ITGA8: variants seen among roughly 807,000 people sequenced by gnomAD.
ITGA8 encodes integrin subunit alpha 8, also known as integrin alpha-8.
A neutral mutation model predicts 142.3 loss-of-function variants in ITGA8; 91 were observed. That is an observed-to-expected ratio of 0.64 (90% CI 0.54 to 0.76). The LOEUF (loss-of-function observed/expected upper bound fraction) is 0.76, where lower values mean the gene tolerates loss of function less well. Among genes scored for constraint, ITGA8 ranks in the 30% least tolerant of loss-of-function variants. ITGA8 has a pLI of 0.00. For missense variants in ITGA8, 1,406 were observed against 1,327.7 expected (o/e 1.06, Z -0.92); for synonymous variants, 505 against 485.2 (o/e 1.04, Z -0.54).
chr10:15,701,566 A>G (rs969220883), intron 2 of ITGA8, among the ~76,000 whole-genome samples: 1 of 152,170 alleles, frequency 6.6e-6, no homozygotes, highest in Non-Finnish European at 1.5e-5. Flanking sequence ...GTGGGCTGTA[A>G]GCAGATTTTT....
chr10:15,617,536 C>A (rs1200974743), intron 13 of ITGA8, among the ~76,000 whole-genome samples: 1 of 152,006 alleles, frequency 6.6e-6, no homozygotes, highest in Non-Finnish European at 1.5e-5. Flanking sequence ...GTAGCTGGGA[C>A]TACAGGCACC....
chr10:15,526,466 G>T (rs565394437), intron 28 of ITGA8, among the ~76,000 whole-genome samples: 2 of 152,094 alleles, frequency 1.3e-5, no homozygotes, highest in East Asian at 3.9e-4. Context: ...GTGAGCCACC[G>T]CACCCGGCCC....
intron 23 of ITGA8, among the ~76,000 whole-genome samples, chr10:15,584,051 C>T (rs1328174927): frequency 2.0e-5 from 3 of 152,174 alleles, no homozygotes. Context: ...AATCCCAGCA[C>T]TTTGGGAGAC....
At chr10:15,528,959 T>C (rs1833233458) in intron 28 of ITGA8, among the ~76,000 whole-genome samples, 1 of 151,798 alleles carries the variant, frequency 6.6e-6, no homozygotes, top group South Asian at 2.1e-4. Context: ...CCTTCCTTCC[T>C]TTCCTTCCTT....
At chr10:15,694,643 T>C (rs1466974321) in intron 2 of ITGA8, among the ~76,000 whole-genome samples, 2 of 128,954 alleles carry the variant, frequency 1.6e-5, no homozygotes, top group Admixed American at 1.7e-4. Context: ...ATTTATATAA[T>C]ATATTTTAAT....
At chr10:15,670,663 G>A (rs142682164) in intron 8 of ITGA8, among the ~76,000 whole-genome samples, 1 of 152,156 alleles carries the variant, frequency 6.6e-6, no homozygotes, top group African/African-American at 2.4e-5. Flanking sequence ...ATCTACATAG[G>A]CAGCCAGTGT....
At chr10:15,551,064 C>G (rs191684844) in intron 26 of ITGA8, among the ~76,000 whole-genome samples, 3 of 152,172 alleles carry the variant, frequency 2.0e-5, no homozygotes. Context: ...GCTGGTAACA[C>G]TGAGACTGGG....
At chr10:15,582,739 C>A (rs1042786174) in intron 23 of ITGA8, among the ~76,000 whole-genome samples, 4 of 152,204 alleles carry the variant, frequency 2.6e-5, no homozygotes. Flanking sequence ...ACACTATAGG[C>A]TTACTAGAAT....
chr10:15,652,629 A>G (rs1020003608), intron 11 of ITGA8, among the ~76,000 whole-genome samples: 1 of 152,224 alleles, frequency 6.6e-6, no homozygotes, highest in Non-Finnish European at 1.5e-5. Context: ...GAAATCTTGA[A>G]TGACCGTCCT....
At chr10:15,583,636 T>G (rs550273851) in intron 23 of ITGA8, among the ~76,000 whole-genome samples, 1 of 152,116 alleles carries the variant, frequency 6.6e-6, no homozygotes, top group African/African-American at 2.4e-5. Context: ...TGCATAACAT[T>G]ATAGATCATT....
chr10:15,582,539 T>C (rs1273086784), intron 23 of ITGA8, among the ~76,000 whole-genome samples: 1 of 152,294 alleles, frequency 6.6e-6, no homozygotes, highest in East Asian at 1.9e-4. Context: ...ATTTGGTAAA[T>C]GGCTTTGTAT....
intron 27 of ITGA8, among the ~76,000 whole-genome samples, chr10:15,547,946 T>C (rs1486290712): frequency 6.6e-6 from 1 of 152,218 alleles, no homozygotes. Context: ...GGACTCAGGA[T>C]GTTTAAACTG....
At chr10:15,610,092 T>C (rs1300066577) in intron 15 of ITGA8, among the ~76,000 whole-genome samples, 1 of 152,190 alleles carries the variant, frequency 6.6e-6, no homozygotes, top group East Asian at 1.9e-4. Flanking sequence ...ACTTTAACTT[T>C]TTTTTCATAC....
intron 20 of ITGA8, among the ~76,000 whole-genome samples, chr10:15,601,016 G>T (rs1368656751): frequency 6.6e-6 from 1 of 152,160 alleles, no homozygotes; most frequent in Non-Finnish European, 1.5e-5. Flanking sequence ...AAGGCTGGGG[G>T]ATCACTTGAG....
Position 15,558,134 on chromosome 10 carries a change from A to G in ITGA8, c.2706T>C (p.Leu902=). The G allele has an allele frequency of 6.2e-7, 1 of 1,614,200 alleles. No homozygotes were observed. Among genetic ancestry groups the G allele is most frequent in the South Asian group, 1.1e-5 (1 of 91,090 alleles). ...AFLRNSTIPH[L]VRKRDVHVVE... ...CCACATGTACATCCCTCTTCCTGAC[A>G]AGATGAGGAATAGTAGAGTTTCGCA... Residue 902 remains leucine (L), a synonymous_variant, in exon 26 of 30, where the codon CTT becomes CTC. Coordinates refer to ENST00000378076, the MANE Select transcript of ITGA8 (RefSeq NM_003638.3).
At chr10:15,562,327 G>A (rs1434009393) in intron 25 of ITGA8, among the ~76,000 whole-genome samples, 1 of 152,224 alleles carries the variant, frequency 6.6e-6, no homozygotes, top group East Asian at 1.9e-4. Context: ...CTCCGTGAAC[G>A]TGCGCCCCGA....
chr10:15,537,986 A>G (rs1284239093), intron 27 of ITGA8, among the ~76,000 whole-genome samples: 2 of 152,028 alleles, frequency 1.3e-5, no homozygotes, highest in Non-Finnish European at 2.9e-5. Context: ...AAAAAACACA[A>G]AAATTAGCCA....
At chr10:15,645,690 G>C (rs1038266538) in intron 12 of ITGA8, among the ~76,000 whole-genome samples, 6 of 152,110 alleles carry the variant, frequency 3.9e-5, no homozygotes, top group African/African-American at 9.7e-5. Context: ...AGGCTACTTT[G>C]TTACAGCAAG....
chr10:15,668,421 G>A (rs571659115), intron 8 of ITGA8, among the ~76,000 whole-genome samples: 23 of 149,020 alleles, frequency 1.5e-4, no homozygotes, highest in East Asian at 5.8e-4. Context: ...GTCTCTGCAC[G>A]TGAGATGGGT....
Sources: allele counts gnomAD v4.1 joint callset (sites outside exome capture counted in the v4.1 genomes callset), GRCh38; gene constraint gnomAD v4.1.1; transcripts MANE v1.5; gene names NCBI Gene and HGNC (gene_info 2026-07-23, HGNC 2026-07-21).